Variants in PSIP1 observed in about 807,000 individuals in gnomAD.
PSIP1 encodes the protein PC4 and SRSF1 interacting protein 1.
Under a neutral mutation model 74.7 loss-of-function variants are expected in PSIP1, and 19 were observed. The ratio of observed to expected loss-of-function variants is 0.25; its 90% confidence interval spans 0.18 to 0.37. PSIP1 has a LOEUF of 0.37. PSIP1 is among the 10% of genes least tolerant of loss of function. The pLI is 1.00. For missense variants in PSIP1, 601 were observed against 614.3 expected, an observed-to-expected ratio of 0.98 and a Z score of 0.23; for synonymous variants, 222 against 195.3, an observed-to-expected ratio of 1.14 and a Z score of -1.14.
intron 4 of PSIP1, among the ~76,000 whole-genome samples, chr9:15,488,157 CA>C (rs148721477): frequency 0.043 from 6,539 of 151,930 alleles, 468 homozygotes; most frequent in African/African-American, 0.15. Context: ...GGTGAAACCC[CA>C]TCTCTACTAA....
At chr9:15,491,565 C>T (rs1467298573) in intron 3 of PSIP1, among the ~76,000 whole-genome samples, 1 of 151,946 alleles carries the variant, frequency 6.6e-6, no homozygotes, top group African/African-American at 2.4e-5. Context: ...TACATATATA[C>T]ACAGATAGTT....
intron 14 of PSIP1, among the ~76,000 whole-genome samples, chr9:15,467,612 C>T (rs1434396398): frequency 1.3e-5 from 2 of 152,106 alleles, no homozygotes; most frequent in Admixed American, 6.5e-5. Context: ...TACAAAAGCA[C>T]AATGATCATA....
rs934292500 is a variant in PSIP1 at position 15,464,697 on chromosome 9, TAA to T, written c.*821_*822del. On this transcript the variant is annotated 3_prime_UTR_variant, in exon 16 of 16. Transcript: ENST00000380733. Reference sequence around the variant, plus strand: ...CATTTTTAACAACATTCCTCAAAAATAAACTTACTTAGTTTTCAGTTTTAGTT... The same window carrying T: ...CATTTTTAACAACATTCCTCAAAAATACTTACTTAGTTTTCAGTTTTAGTT... 8.6e-5 allele frequency: 17 copies of T among 198,762 alleles called. No individual in the cohort carries two copies. Among genetic ancestry groups the T allele is most frequent in the African/African-American group, 3.9e-4 (17 of 43,452 alleles). 12.3% of individuals were successfully genotyped at this position (198,762 alleles called of 1,614,324 possible).
intron 10 of PSIP1, chr9:15,471,270 C>A (rs1181516608): frequency 6.3e-7 from 1 of 1,580,360 alleles, no homozygotes; most frequent in South Asian, 1.1e-5. Context: ...TTGCATAATG[C>A]ATTTCACACA....
At chr9:15,495,302 A>ATAGAGT (rs56747091) in intron 3 of PSIP1, among the ~76,000 whole-genome samples, 14,543 of 152,050 alleles carry the variant, frequency 0.096, 2,316 homozygotes, top group African/African-American at 0.33. Context: ...TGTATAAAAG[A>ATAGAGT]TAAATTTTTT....
At chr9:15,510,053 G>A (rs928352868) in intron 2 of PSIP1, 64 bp downstream of exon 2, 3 of 1,447,118 alleles carry the variant, frequency 2.1e-6, no homozygotes, top group African/African-American at 2.9e-5. Flanking sequence ...AAGAGACACG[G>A]TGGGCAGCAG....
chr9:15,503,098 G>A (rs944752356), intron 3 of PSIP1, among the ~76,000 whole-genome samples: 2 of 152,228 alleles, frequency 1.3e-5, no homozygotes, highest in African/African-American at 4.8e-5. Flanking sequence ...CAGGCACAGA[G>A]GCTCATACCT....
intron 6 of PSIP1, among the ~76,000 whole-genome samples, chr9:15,480,500 A>G (rs1190177926): frequency 6.6e-6 from 1 of 152,248 alleles, no homozygotes; most frequent in Non-Finnish European, 1.5e-5. Context: ...CATAATGCCC[A>G]GTGTTGATAA....
At chr9:15,485,521 A>G (rs1434665849) in intron 6 of PSIP1, among the ~76,000 whole-genome samples, 1 of 152,214 alleles carries the variant, frequency 6.6e-6, no homozygotes. Context: ...AACTTCGTAT[A>G]TGGAAGGAAA....
At chr9:15,466,713 A>G (rs769313271) in intron 15 of PSIP1, 35 bp downstream of exon 15, 4 of 1,512,164 alleles carry the variant, frequency 2.6e-6, no homozygotes, top group Non-Finnish European at 3.6e-6. Context: ...TGAATAATAA[A>G]AAACACACAA....
Position 15,468,998 on chromosome 9 carries a change from G to T in PSIP1, c.1165C>A (p.Gln389Lys). 1.2e-6 allele frequency: 2 copies of T among 1,613,886 alleles called. No individual in the cohort carries two copies. Among genetic ancestry groups the T allele is most frequent in the Non-Finnish European group, 1.7e-6 (2 of 1,179,950 alleles). ...ATCATCTCTGTGTGTTTCTGAGCTT[G>T]TTGCATTGTGACCTGAAGTGAAGCA... ...ELASLQVTMQ[Q>K]AQKHTEMITT... is the part of the protein sequence containing the mutation. The change falls in exon 13 of 16, where the codon CAA (glutamine) becomes AAA (lysine). Residue 389 changes from glutamine (Q) to lysine (K), a missense_variant. Transcript: ENST00000380733.
rs1057384353 is a variant in PSIP1, at chr9:15,464,339, A to G, written c.*1181T>C. ...TTAAGCCATTTTTTTCCATATTCAT[A>G]TAATTTCAAAACATGAGAAGTATCC... On this transcript the variant is annotated 3_prime_UTR_variant, in exon 16 of 16. Transcript: ENST00000380733. 3 of 193,632 alleles carry G rather than the reference A, an allele frequency of 1.5e-5. No individual in the cohort carries two copies. In the East Asian group the frequency reaches 2.4e-4, roughly 16 times the overall value. The allele number at this position is 193,632 out of a possible 1,614,324, so 12.0% of individuals were successfully genotyped here.
chr9:15,476,983 A>C (rs1250153014), intron 8 of PSIP1, among the ~76,000 whole-genome samples: 1 of 152,146 alleles, frequency 6.6e-6, no homozygotes, highest in Non-Finnish European at 1.5e-5. Context: ...GTTCCAGAGG[A>C]ATCAGCCAAA....
At chr9:15,468,577 C>G in intron 14 of PSIP1, 53 bp downstream of exon 14, 1 of 1,561,448 alleles carries the variant, frequency 6.4e-7, no homozygotes, top group South Asian at 1.1e-5. Flanking sequence ...TAAAAGCAGT[C>G]CTGGCAAATG....
At chr9:15,486,131 T>A in intron 5 of PSIP1, 63 bp from the exon 6 acceptor site, 1 of 1,376,776 alleles carries the variant, frequency 7.3e-7, no homozygotes, top group Non-Finnish European at 1.0e-6. Flanking sequence ...AGAAACCTTG[T>A]TAAACTAAAA....
At chr9:15,507,585 C>T (rs1166219448) in intron 2 of PSIP1, among the ~76,000 whole-genome samples, 1 of 152,012 alleles carries the variant, frequency 6.6e-6, no homozygotes, top group Admixed American at 6.6e-5. Context: ...TTGCAGTGAG[C>T]CGAGATCATG....
chr9:15,496,394 T>C lies in PSIP1; in HGVS notation c.150-6270A>G, dbSNP rs60939703. ...TGCCATTCCTGCTTTCTTTGTGACATTGTATCATTGCTTGCTCTTGTTTTG... is the reference window on the plus strand; with the variant it reads ...TGCCATTCCTGCTTTCTTTGTGACACTGTATCATTGCTTGCTCTTGTTTTG... On this transcript the variant is annotated intron_variant, in intron 3 of 15. Transcript: ENST00000380733. Among the ~76,000 whole-genome samples the C allele has an allele frequency of 3.7e-3, 558 of 152,334 alleles. 1 individual carries two copies. The highest frequency in any genetic ancestry group is 0.013 in the African/African-American group (523 of 41,584).
intron 4 of PSIP1, among the ~76,000 whole-genome samples, chr9:15,489,608 C>CAAAAAA (rs1278277874): frequency 1.3e-4 from 6 of 45,520 alleles, no homozygotes; most frequent in African/African-American, 3.2e-4. Context: ...AACTACACCT[C>CAAAAAA]AAAAAAAAAA....
At chr9:15,490,312 A>C (rs7045773) in intron 3 of PSIP1, among the ~76,000 whole-genome samples, 188 bp from the exon 4 acceptor site, 2 of 152,320 alleles carry the variant, frequency 1.3e-5, no homozygotes, top group South Asian at 4.1e-4. Context: ...TACTATTTAA[A>C]TCCATAATCC....
Sources: allele counts gnomAD v4.1 joint callset (sites outside exome capture counted in the v4.1 genomes callset), GRCh38; gene constraint gnomAD v4.1.1; transcripts MANE v1.5; gene names NCBI Gene and HGNC (gene_info 2026-07-23, HGNC 2026-07-21).